TAAR5: variants seen among roughly 807,000 people sequenced by gnomAD.
TAAR5 encodes trace amine associated receptor 5.
Under a neutral mutation model 21.1 loss-of-function variants are expected in TAAR5, and 27 were observed. That is an observed-to-expected ratio of 1.28 (90% CI 0.94 to 1.76). The LOEUF (loss-of-function observed/expected upper bound fraction) is 1.76. TAAR5 is among the 40% of genes most tolerant of loss of function. The probability of loss-of-function intolerance (pLI) is 0.00; values close to 1 mark genes in which losing one functional copy is unlikely to be tolerated. For missense variants in TAAR5, 495 were observed against 405.6 expected, an observed-to-expected ratio of 1.22 and a Z score of -1.89; for synonymous variants, 203 against 167.5, an observed-to-expected ratio of 1.21 and a Z score of -1.64.
the TAAR5 span, among the ~76,000 whole-genome samples, chr6:132,600,669 C>T: frequency 0.018 from 2,684 of 152,004 alleles, 44 homozygotes; most frequent in Non-Finnish European, 0.028. Flanking sequence ...ACCAGTAAAC[C>T]ACTCTTAACT....
At chr6:132,612,142 T>A in the TAAR5 span, among the ~76,000 whole-genome samples, 1 of 152,168 alleles carries the variant, frequency 6.6e-6, no homozygotes, top group East Asian at 1.9e-4. Flanking sequence ...AGTGATAGCC[T>A]TAAGAAATAA....
the TAAR5 span, among the ~76,000 whole-genome samples, chr6:132,599,181 G>A: frequency 6.6e-6 from 1 of 152,072 alleles, no homozygotes. Context: ...CGATCACTGG[G>A]GAAGACATTT....
chr6:132,597,184 G>C, the TAAR5 span, among the ~76,000 whole-genome samples: 1 of 151,900 alleles, frequency 6.6e-6, no homozygotes, highest in Non-Finnish European at 1.5e-5. Flanking sequence ...GAAAAACATG[G>C]CATGAAACAA....
At chr6:132,607,433 G>T in the TAAR5 span, among the ~76,000 whole-genome samples, 1 of 152,016 alleles carries the variant, frequency 6.6e-6, no homozygotes, top group African/African-American at 2.4e-5. Flanking sequence ...TTAATGATCT[G>T]ATTTAGATCA....
chr6:132,589,368 A>G lies in TAAR5; in HGVS notation c.319T>C (p.Cys107Arg). The change falls in exon 1 of 1, where the codon TGC (cysteine) becomes CGC (arginine). Residue 107 changes from cysteine to arginine, a missense_variant. By Grantham distance (180) the Cys-to-Arg change is radical (BLOSUM62 -3). Transcript: ENST00000258034. Reference sequence around the variant, plus strand: ...GTGTCCAGGTAGGTGTGCAGGCGGCAGAGGAAGTCCCCGAAGAACCAGCAG... The same window carrying G: ...GTGTCCAGGTAGGTGTGCAGGCGGCGGAGGAAGTCCCCGAAGAACCAGCAG... ...ESCWFFGDFL[C>R]RLHTYLDTLF... 1 of 1,614,124 alleles carries G rather than the reference A, an allele frequency of 6.2e-7. No individual in the cohort carries two copies. Among genetic ancestry groups the G allele is most frequent in the Non-Finnish European group, 8.5e-7 (1 of 1,179,996 alleles).
chr6:132,614,593 G>A, the TAAR5 span, among the ~76,000 whole-genome samples: 1 of 152,154 alleles, frequency 6.6e-6, no homozygotes, highest in African/African-American at 2.4e-5. Flanking sequence ...TTCCTGAAAA[G>A]TTAGTTGTGA....
chr6:132,611,639 T>C, the TAAR5 span, among the ~76,000 whole-genome samples: 1 of 152,228 alleles, frequency 6.6e-6, no homozygotes, highest in African/African-American at 2.4e-5. Context: ...TACCCCAAAA[T>C]ATGGCACCTT....
At chr6:132,596,869 ATATTT>A in the TAAR5 span, among the ~76,000 whole-genome samples, 2 of 152,074 alleles carry the variant, frequency 1.3e-5, no homozygotes, top group African/African-American at 4.8e-5. Context: ...TTAATATCTA[ATATTT>A]TATTTAATAA....
chr6:132,597,149 A>AATTT, the TAAR5 span, among the ~76,000 whole-genome samples: 26 of 152,216 alleles, frequency 1.7e-4, no homozygotes, highest in East Asian at 1.5e-3. Context: ...TTGTAAAGTG[A>AATTT]ATTTATTTAT....
chr6:132,615,420 C>T, the TAAR5 span, among the ~76,000 whole-genome samples: 9 of 151,226 alleles, frequency 6.0e-5, no homozygotes, highest in African/African-American at 2.2e-4. Context: ...GTGATTTGTA[C>T]AAATTTGAAT....
the TAAR5 span, among the ~76,000 whole-genome samples, chr6:132,600,164 C>G: frequency 6.6e-6 from 1 of 152,126 alleles, no homozygotes; most frequent in Admixed American, 6.5e-5. Flanking sequence ...CCAGCTACAG[C>G]TGGTTCCTCG....
At chr6:132,591,996 C>T (rs929214086), upstream of TAAR5, among the ~76,000 whole-genome samples, 1 of 152,282 alleles carries the variant, frequency 6.6e-6, no homozygotes, top group East Asian at 1.9e-4. Context: ...ATATCTAGTG[C>T]AGATAACTGT....
chr6:132,610,727 T>C, the TAAR5 span, among the ~76,000 whole-genome samples: 2 of 152,172 alleles, frequency 1.3e-5, no homozygotes, highest in African/African-American at 2.4e-5. Flanking sequence ...ACTCCCTTGT[T>C]TCTCTAGGTT....
chr6:132,601,107 A>G, the TAAR5 span, among the ~76,000 whole-genome samples: 3 of 125,430 alleles, frequency 2.4e-5, no homozygotes, highest in East Asian at 2.5e-4. Context: ...GAAGGAGGGA[A>G]GAAGGGAAGG....
the TAAR5 span, among the ~76,000 whole-genome samples, chr6:132,596,568 T>C: frequency 6.6e-6 from 1 of 152,240 alleles, no homozygotes; most frequent in South Asian, 2.1e-4. Flanking sequence ...TTAGCAATGA[T>C]CTCCAATACT....
the TAAR5 span, among the ~76,000 whole-genome samples, chr6:132,596,990 T>C: frequency 2.0e-5 from 3 of 152,152 alleles, no homozygotes; most frequent in Non-Finnish European, 4.4e-5. Context: ...AAGCTAACAA[T>C]TACAAAGTCA....
At chr6:132,599,160 C>T in the TAAR5 span, among the ~76,000 whole-genome samples, 1 of 152,216 alleles carries the variant, frequency 6.6e-6, no homozygotes, top group South Asian at 2.1e-4. Context: ...ATCACCACCA[C>T]GGTATTTTCA....
the TAAR5 span, chr6:132,608,139 TA>T: frequency 2.8e-6 from 1 of 353,896 alleles, no homozygotes; most frequent in Non-Finnish European, 5.5e-6. Context: ...TACTGAAATT[TA>T]ATAGTATCAT....
the TAAR5 span, among the ~76,000 whole-genome samples, chr6:132,607,232 A>AAGG: frequency 6.6e-6 from 1 of 151,972 alleles, no homozygotes; most frequent in Non-Finnish European, 1.5e-5. Context: ...ATTAAAAGAA[A>AAGG]AGGAAGAAAA....
Sources: gnomAD v4.1 joint callset for allele counts (sites outside exome capture counted in the v4.1 genomes callset) on GRCh38, gnomAD v4.1.1 for gene constraint, MANE v1.5 for transcripts, NCBI Gene and HGNC (gene_info 2026-07-23, HGNC 2026-07-21) for gene names.